Variants in PTCD3 observed in about 807,000 individuals in gnomAD.
The protein encoded by PTCD3 is small ribosomal subunit protein mS39.
PTCD3 carries 89 observed loss-of-function variants against 101.9 expected under a neutral mutation model. The ratio of observed to expected loss-of-function variants is 0.87; its 90% CI spans 0.74 to 1.04. The LOEUF (loss-of-function observed/expected upper bound fraction) is 1.04, where lower values mean the gene tolerates loss of function less well. PTCD3 is among the 50% of genes least tolerant of loss of function. The pLI is 0.00. For missense variants in PTCD3, 870 were observed against 828.2 expected, an observed-to-expected ratio of 1.05 and a Z score of -0.62; for synonymous variants, 296 against 278.5, an observed-to-expected ratio of 1.06 and a Z score of -0.63.
chr2:86,139,055 G>A lies in PTCD3; in HGVS notation c.*1496G>A, dbSNP rs1674641867. ...TCAAAATGAGTGATTTGTTAGCTTGGTACTTTTAAGTTTGTGGTACAGATC... is the reference window on the plus strand; with the variant it reads ...TCAAAATGAGTGATTTGTTAGCTTGATACTTTTAAGTTTGTGGTACAGATC... On this transcript the variant is annotated 3_prime_UTR_variant, in exon 24 of 24. Transcript: ENST00000254630. 6.6e-6 allele frequency: 1 copy of A among 152,134 alleles called. No individual in the cohort carries two copies. The highest frequency in any genetic ancestry group is 1.5e-5 in the Non-Finnish European group (1 of 68,030). 9.4% of individuals were successfully genotyped at this position (152,134 alleles called of 1,614,324 possible).
Position 86,125,436 on chromosome 2 carries a change from T to A in PTCD3, c.805-19T>A. 6.2e-7 allele frequency: 1 copy of A among 1,607,236 alleles called. No individual in the cohort carries two copies. Among genetic ancestry groups the A allele is most frequent in the Admixed American group, 1.7e-5 (1 of 60,010 alleles). On this transcript the variant is annotated intron_variant, in intron 10 of 23. Transcript: ENST00000254630. ...CTTAAGTAAATGAATTTGATGATGC[T>A]TAATTTTTCCTTTTCCAGCACCGAG...
intron 14 of PTCD3, 100 bp from the exon 15 acceptor site, chr2:86,130,548 G>C: frequency 6.6e-7 from 1 of 1,509,514 alleles, no homozygotes. Flanking sequence ...ACTTAGGCTG[G>C]AGGTGGAGGA....
chr2:86,139,759 C>G lies in PTCD3; in HGVS notation c.*2200C>G, dbSNP rs2104465990. On this transcript the variant is annotated 3_prime_UTR_variant, in exon 24 of 24. Coordinates refer to ENST00000254630, the MANE Select transcript of PTCD3 (RefSeq NM_017952.6). ...TGAGGCTGCAGTAGCCATGACTGCA[C>G]CACTGCATTCCAGCCTGGTTGACAG... 1 of 152,054 alleles carries G rather than the reference C, an allele frequency of 6.6e-6. No individual in the cohort carries two copies. The highest frequency in any genetic ancestry group is 1.5e-5 in the Non-Finnish European group (1 of 68,050). The allele number at this position is 152,054 out of a possible 1,614,324, so 9.4% of individuals were successfully genotyped here.
intron 4 of PTCD3, among the ~76,000 whole-genome samples, chr2:86,112,287 ACCT>A (rs944656458): frequency 1.5e-5 from 2 of 136,784 alleles, no homozygotes; most frequent in Non-Finnish European, 3.1e-5. Flanking sequence ...CCATCTCCTG[ACCT>A]CCTGATCCAC....
chr2:86,110,923 A>G, intron 3 of PTCD3, 190 bp from the exon 4 acceptor site: 1 of 746,294 alleles, frequency 1.3e-6, no homozygotes, highest in Non-Finnish European at 2.5e-6. Context: ...AGAGAGGAAC[A>G]TGTACCAACT....
intron 3 of PTCD3, among the ~76,000 whole-genome samples, chr2:86,109,872 A>C (rs531178644): frequency 4.6e-5 from 7 of 152,238 alleles, no homozygotes; most frequent in Middle Eastern, 3.2e-3. Context: ...TAGTGCAGCC[A>C]AACTTATGTA....
In PTCD3 at chr2:86,127,191, G is replaced by T. The variant is rs781242280; in HGVS notation, c.982G>T (p.Val328Leu). ...ELLRHMVAQK[V>L]KPNLQTFNTI... ...GCTAAGACACATGGTTGCACAGAAG[G>T]TGAAACCAAATCTTCAGACTTTTAA... is the stretch of plus-strand genomic sequence containing the variant. Residue 328 changes from valine to leucine, a missense_variant, in exon 13 of 24, where the codon GTG becomes TTG. By Grantham distance (32) the Val-to-Leu change is conservative (BLOSUM62 1). Transcript: ENST00000254630. 6.2e-7 allele frequency: 1 copy of T among 1,613,612 alleles called. No homozygotes were observed. Among genetic ancestry groups the T allele is most frequent in the Non-Finnish European group, 8.5e-7 (1 of 1,179,838 alleles).
At chr2:86,126,352 C>T (rs139978636) in intron 12 of PTCD3, among the ~76,000 whole-genome samples, 64 of 152,112 alleles carry the variant, frequency 4.2e-4, no homozygotes, top group African/African-American at 1.5e-3. Flanking sequence ...CCCTGGGACT[C>T]AGCTGTGTCT....
Position 86,109,417 on chromosome 2 carries a change from A to AG in PTCD3, c.194+881_194+882insG, listed in dbSNP as rs1674034881. Among the ~76,000 whole-genome samples the AG allele has an allele frequency of 2.0e-5, 3 of 151,714 alleles. No individual in the cohort carries two copies. The South Asian group carries it at 6.2e-4, about 32-fold the overall frequency. ...GCAAGACTCCATCTCAAAAAAAAAA[A>AG]AAGACTTGGGTTCATTTAAAAAGAC... On this transcript the variant is annotated intron_variant, in intron 3 of 23. Coordinates refer to ENST00000254630, the MANE Select transcript of PTCD3 (RefSeq NM_017952.6).
chr2:86,134,153 G>C (rs1674538774), intron 19 of PTCD3, 139 bp from the exon 20 acceptor site: 1 of 618,048 alleles, frequency 1.6e-6, no homozygotes, highest in Admixed American at 3.0e-5. Context: ...GAATCCTGGT[G>C]GGTTTCTGGA....
Position 86,134,825 on chromosome 2 carries a change from C to T in PTCD3, c.1630-14C>T. ...AATCAGTTAGGCAGTTCTGCTGACT[C>T]CTAAGCTTCTCAGCTTCAGGTGGCA... On this transcript the variant is annotated splice_polypyrimidine_tract_variant and intron_variant, in intron 20 of 23. Coordinates refer to ENST00000254630, the MANE Select transcript of PTCD3 (RefSeq NM_017952.6). 6.2e-7 allele frequency: 1 copy of T among 1,613,802 alleles called. No homozygotes were observed.
At position 86,111,278 on chromosome 2, in the gene PTCD3, C is replaced by T. The variant is rs566783743; in HGVS notation, c.240+120C>T. 1,425 of 984,348 alleles carry T rather than the reference C, an allele frequency of 1.4e-3. 4 individuals are homozygous for T. The highest frequency in any genetic ancestry group is 1.9e-3 in the Non-Finnish European group (1,241 of 652,592). 61.0% of individuals were successfully genotyped at this position (984,348 alleles called of 1,614,324 possible). Reference sequence around the variant, plus strand: ...CATTACTCAGAATTAAACTGTTGTGCGTCTAGAAAGTTTCTTTAAAATTGT... The same window carrying T: ...CATTACTCAGAATTAAACTGTTGTGTGTCTAGAAAGTTTCTTTAAAATTGT... On this transcript the variant is annotated intron_variant, in intron 4 of 23. Coordinates refer to ENST00000254630, the MANE Select transcript of PTCD3 (RefSeq NM_017952.6).
chr2:86,130,947 CTT>C (rs1163346107), intron 15 of PTCD3, 129 bp from the exon 16 acceptor site: 6 of 1,401,348 alleles, frequency 4.3e-6, no homozygotes, highest in East Asian at 5.1e-5. Context: ...TCCTGCCTCT[CTT>C]AAGTTTTTAT....
chr2:86,128,361 G>A (rs1674436408), intron 14 of PTCD3, among the ~76,000 whole-genome samples: 1 of 151,716 alleles, frequency 6.6e-6, no homozygotes, highest in South Asian at 2.1e-4. Context: ...GAGGGGAGAG[G>A]GTTATGGATT....
intron 7 of PTCD3, 92 bp from the exon 8 acceptor site, chr2:86,121,387 C>G: frequency 1.3e-6 from 1 of 745,610 alleles, no homozygotes; most frequent in Non-Finnish European, 2.2e-6. Flanking sequence ...TGAAGACCAC[C>G]GCTAATATAA....
At chr2:86,106,783 T>G (rs539472063) in intron 1 of PTCD3, among the ~76,000 whole-genome samples, 5 of 152,366 alleles carry the variant, frequency 3.3e-5, no homozygotes, top group Admixed American at 3.3e-4. Flanking sequence ...AAAGAAGTTA[T>G]CAGGTTTTCG....
intron 1 of PTCD3, among the ~76,000 whole-genome samples, chr2:86,107,854 A>G (rs1410845158): frequency 6.6e-6 from 1 of 152,208 alleles, no homozygotes; most frequent in Non-Finnish European, 1.5e-5. Flanking sequence ...TAAACATCAT[A>G]GTGTTTTGGG....
intron 3 of PTCD3, 180 bp from the exon 4 acceptor site, chr2:86,110,933 T>C (rs768434506): frequency 1.3e-6 from 1 of 751,830 alleles, no homozygotes; most frequent in African/African-American, 1.7e-5. Context: ...ATGTACCAAC[T>C]AGGGGAAAGA....
At chr2:86,132,548 G>T in intron 17 of PTCD3, 124 bp downstream of exon 17, 4 of 501,428 alleles carry the variant, frequency 8.0e-6, no homozygotes, top group East Asian at 4.4e-5. Flanking sequence ...AATAGGACAT[G>T]TTAATTGAGC....
Sources: gnomAD v4.1 joint callset for allele counts (sites outside exome capture counted in the v4.1 genomes callset) on GRCh38, gnomAD v4.1.1 for gene constraint, MANE v1.5 for transcripts, NCBI Gene and HGNC (gene_info 2026-07-23, HGNC 2026-07-21) for gene names.